Variants in FAM133B observed in about 807,000 individuals in gnomAD.
FAM133B encodes family with sequence similarity 133 member B.
A neutral mutation model predicts 46.4 loss-of-function variants in FAM133B; 25 were observed. That is an observed-to-expected ratio of 0.54 (90% CI 0.39 to 0.75). The LOEUF (loss-of-function observed/expected upper bound fraction) is 0.75. Among genes scored for constraint, FAM133B ranks in the 30% least tolerant of loss-of-function variants. The probability of loss-of-function intolerance (pLI) is 0.00; values close to 1 mark genes in which losing one functional copy is unlikely to be tolerated. For missense variants in FAM133B, 205 were observed against 277.6 expected (o/e 0.74, Z 1.86); for synonymous variants, 75 against 86.0 (o/e 0.87, Z 0.71).
At chr7:92,587,693 C>T (rs144602099) in intron 1 of FAM133B, among the ~76,000 whole-genome samples, 29 of 152,252 alleles carry the variant, frequency 1.9e-4, no homozygotes, top group African/African-American at 5.8e-4. Context: ...ATGATGGCGA[C>T]ACTGCACTCC....
chr7:92,584,129 T>C (rs1794972654), intron 1 of FAM133B, among the ~76,000 whole-genome samples: 1 of 149,098 alleles, frequency 6.7e-6, no homozygotes, highest in Non-Finnish European at 1.5e-5. Flanking sequence ...GGTGTGATCA[T>C]ATCTCACTGC....
At chr7:92,566,530 T>G (rs897396957) in intron 9 of FAM133B, among the ~76,000 whole-genome samples, 2 of 152,030 alleles carry the variant, frequency 1.3e-5, no homozygotes, top group African/African-American at 4.8e-5. Context: ...TAGTCCCAGC[T>G]AACTGGAAGG....
chr7:92,573,016 G>A (rs1585303492), intron 8 of FAM133B, among the ~76,000 whole-genome samples: 1 of 151,040 alleles, frequency 6.6e-6, no homozygotes, highest in Non-Finnish European at 1.5e-5. Flanking sequence ...ATTCCAGTAG[G>A]TATAACTAAT....
chr7:92,573,027 TA>T (rs968017367), intron 8 of FAM133B, among the ~76,000 whole-genome samples: 133 of 147,110 alleles, frequency 9.0e-4, no homozygotes, highest in African/African-American at 2.8e-3. Flanking sequence ...TATAACTAAT[TA>T]AAAAAAAAAG....
At chr7:92,587,141 T>C (rs140216875) in intron 1 of FAM133B, among the ~76,000 whole-genome samples, 1 of 152,270 alleles carries the variant, frequency 6.6e-6, no homozygotes, top group East Asian at 1.9e-4. Context: ...AAAACTGCTC[T>C]AAAAATAAAA....
intron 10 of FAM133B, among the ~76,000 whole-genome samples, chr7:92,563,201 C>T (rs1252345586): frequency 1.3e-5 from 2 of 152,292 alleles, no homozygotes; most frequent in Middle Eastern, 3.4e-3. Flanking sequence ...AGCTTCCTAT[C>T]CATTTCCTAT....
chr7:92,570,424 G>C (rs1794493293), intron 8 of FAM133B, among the ~76,000 whole-genome samples: 1 of 152,034 alleles, frequency 6.6e-6, no homozygotes, highest in African/African-American at 2.4e-5. Flanking sequence ...AGTAACTCTG[G>C]AGAAGGAGAG....
At chr7:92,570,943 C>T (rs1794509546) in intron 8 of FAM133B, among the ~76,000 whole-genome samples, 1 of 152,128 alleles carries the variant, frequency 6.6e-6, no homozygotes, top group South Asian at 2.1e-4. Flanking sequence ...TACATAAATA[C>T]CTGCTGTCTG....
At chr7:92,575,666 A>G in intron 8 of FAM133B, 105 bp downstream of exon 8, 1 of 516,496 alleles carries the variant, frequency 1.9e-6, no homozygotes, top group South Asian at 4.6e-5. Flanking sequence ...ATATTACAAA[A>G]ACAAAATAAA....
chr7:92,578,263 A>T, intron 4 of FAM133B, 56 bp downstream of exon 4: 1 of 1,602,548 alleles, frequency 6.2e-7, no homozygotes, highest in Non-Finnish European at 8.5e-7. Context: ...ATACAGCATT[A>T]TTATGAAAAT....
At chr7:92,582,152 G>A (rs1348939648) in intron 1 of FAM133B, among the ~76,000 whole-genome samples, 2 of 152,146 alleles carry the variant, frequency 1.3e-5, no homozygotes, top group Non-Finnish European at 2.9e-5. Flanking sequence ...GGGAGGTTGA[G>A]ACAGGAGAAT....
intron 1 of FAM133B, among the ~76,000 whole-genome samples, chr7:92,585,130 C>A (rs939431454): frequency 2.6e-5 from 4 of 152,168 alleles, no homozygotes; most frequent in African/African-American, 7.2e-5. Flanking sequence ...AGGAGCCCAA[C>A]CCTCAACCAA....
chr7:92,568,735 AT>A (rs1371206093), intron 9 of FAM133B, among the ~76,000 whole-genome samples: 1 of 151,352 alleles, frequency 6.6e-6, no homozygotes, highest in African/African-American at 2.4e-5. Context: ...TATCATTATT[AT>A]TTTTTTAGAG....
chr7:92,578,007 C>T, intron 5 of FAM133B, 143 bp downstream of exon 5: 1 of 750,026 alleles, frequency 1.3e-6, no homozygotes, highest in Non-Finnish European at 2.2e-6. Flanking sequence ...AACAAAATCA[C>T]TCTTCACAAT....
chr7:92,586,672 A>T (rs2116426682), intron 1 of FAM133B, among the ~76,000 whole-genome samples: 1 of 152,330 alleles, frequency 6.6e-6, no homozygotes, highest in Non-Finnish European at 1.5e-5. Flanking sequence ...CAGGATGGCA[A>T]ATTGGTCTCA....
intron 6 of FAM133B, chr7:92,577,405 T>A (rs1015510777): frequency 6.8e-6 from 3 of 442,714 alleles, no homozygotes; most frequent in African/African-American, 6.1e-5. Context: ...AAATAGCATT[T>A]GATTTTTCAA....
chr7:92,577,696 TTGA>T lies in FAM133B; in HGVS notation c.328_330del (p.Ser112del). 1 of 1,584,324 alleles carries T rather than the reference TTGA, an allele frequency of 6.3e-7. No individual in the cohort carries two copies. Among genetic ancestry groups the T allele is most frequent in the South Asian group, 1.2e-5 (1 of 86,148 alleles). ...GAAGAACTGCTGGAAGAATCAGAGC[TTGA>T]TGAAGAAGAAGATGAATACTTGACC... On this transcript the variant is annotated inframe_deletion, in exon 6 of 11. Coordinates refer to ENST00000445716, the MANE Select transcript of FAM133B (RefSeq NM_152789.4).
rs186463419 is a variant in FAM133B at position 92,580,522 on chromosome 7, C to G, written c.122+984G>C. The stretch of plus-strand genomic sequence containing the variant: ...TCACATGTATTATCACAACTCCTTA[C>G]TAAGGGCATTAAGTGCCTCTCACGT... On this transcript the variant is annotated intron_variant, in intron 2 of 10. Coordinates refer to ENST00000445716, the MANE Select transcript of FAM133B (RefSeq NM_152789.4). Among the ~76,000 whole-genome samples, 849 of 152,334 alleles carry G rather than the reference C, an allele frequency of 5.6e-3. 4 individuals are homozygous for G. Among genetic ancestry groups the G allele is most frequent in the Middle Eastern group, 0.034 (10 of 294 alleles).
chr7:92,579,180 G>A lies in FAM133B; in HGVS notation c.201+137C>T, dbSNP rs930022863. The A allele has an allele frequency of 4.5e-6, 3 of 661,174 alleles. No homozygotes were observed. In the African/African-American group the frequency reaches 5.7e-5, roughly 13 times the overall value. 41.0% of individuals were successfully genotyped at this position (661,174 alleles called of 1,614,324 possible). A position where few individuals can be genotyped will look rare whatever the true frequency, so the allele number is the denominator to read the frequency against. On this transcript the variant is annotated intron_variant, in intron 3 of 10. Transcript: ENST00000445716. The stretch of plus-strand genomic sequence containing the variant: ...TAATGGAGACAAGGGCGGCGGGGGG[G>A]GGCCTTACTTTGTTGCCCAGGCTGG...
Sources: gnomAD v4.1 joint callset for allele counts (sites outside exome capture counted in the v4.1 genomes callset) on GRCh38, gnomAD v4.1.1 for gene constraint, MANE v1.5 for transcripts, NCBI Gene and HGNC (gene_info 2026-07-23, HGNC 2026-07-21) for gene names.